The following FCHSD2 variants were observed in gnomAD, a reference collection of about 807,000 sequenced individuals.
FCHSD2 encodes the protein FCH and double SH3 domains 2.
A neutral mutation model predicts 108.1 loss-of-function variants in FCHSD2; 38 were observed. The ratio of observed to expected loss-of-function variants is 0.35; its 90% CI spans 0.27 to 0.46. FCHSD2 has a LOEUF of 0.46. Ranked by LOEUF, FCHSD2 falls within the 20% of genes least tolerant of loss-of-function variation. The pLI is 1.00. For missense variants in FCHSD2, 751 were observed against 897.8 expected (o/e 0.84, Z 2.09); for synonymous variants, 279 against 314.7 (o/e 0.89, Z 1.20).
chr11:72,851,686 T>C lies in FCHSD2; in HGVS notation c.1309-1797A>G, dbSNP rs187308356. 4.6e-3 allele frequency among the ~76,000 whole-genome samples: 699 copies of C among 152,194 alleles called. 19 individuals are homozygous for C. Among genetic ancestry groups the C allele is most frequent in the Admixed American group, 0.037 (558 of 15,280 alleles). ...TGAACCTGGGAGGCAGAGGTTGCAG[T>C]GAGCCGAGATTGTGCCACTGCACTC... On this transcript the variant is annotated intron_variant, in intron 13 of 19. Coordinates refer to ENST00000409418, the MANE Select transcript of FCHSD2 (RefSeq NM_014824.3).
intron 10 of FCHSD2, among the ~76,000 whole-genome samples, chr11:72,899,380 C>T (rs1251333004): frequency 1.3e-5 from 2 of 152,058 alleles, no homozygotes; most frequent in Non-Finnish European, 2.9e-5. Context: ...GGCTAATACA[C>T]TCATGAAGAT....
intron 3 of FCHSD2, among the ~76,000 whole-genome samples, chr11:73,044,721 G>A (rs11235641): frequency 0.15 from 23,256 of 152,174 alleles, 2,395 homozygotes; most frequent in East Asian, 0.38. Context: ...AGAAAACAGT[G>A]CACATAGTAC....
intron 3 of FCHSD2, among the ~76,000 whole-genome samples, chr11:73,037,091 C>A (rs942651033): frequency 3.3e-5 from 5 of 152,166 alleles, no homozygotes; most frequent in African/African-American, 1.2e-4. Flanking sequence ...ATATTCTTCT[C>A]TTGATACTCA....
At chr11:72,883,532 T>C (rs956208877) in intron 12 of FCHSD2, among the ~76,000 whole-genome samples, 1 of 152,152 alleles carries the variant, frequency 6.6e-6, no homozygotes, top group Non-Finnish European at 1.5e-5. Flanking sequence ...TAAAAACTTA[T>C]AAAAAGATGC....
intron 3 of FCHSD2, among the ~76,000 whole-genome samples, chr11:73,034,806 G>A (rs547612539): frequency 2.0e-5 from 3 of 152,168 alleles, no homozygotes; most frequent in African/African-American, 7.2e-5. Context: ...CCAGAACTTC[G>A]AAGCAGCAAA....
At chr11:73,067,479 A>T (rs1267978777) in intron 3 of FCHSD2, among the ~76,000 whole-genome samples, 2 of 142,212 alleles carry the variant, frequency 1.4e-5, no homozygotes, top group East Asian at 3.9e-4. Flanking sequence ...AAAGTATAAT[A>T]AAAAAAAAAG....
chr11:72,841,321 G>T, intron 18 of FCHSD2, 133 bp downstream of exon 18: 1 of 928,350 alleles, frequency 1.1e-6, no homozygotes, highest in South Asian at 1.7e-5. Flanking sequence ...TCCAGCCCAG[G>T]TGACAGAGAC....
intron 2 of FCHSD2, among the ~76,000 whole-genome samples, chr11:73,085,258 T>A (rs1031426446): frequency 1.3e-5 from 2 of 152,142 alleles, no homozygotes; most frequent in African/African-American, 4.8e-5. Context: ...AAGTCTCCAG[T>A]GCATTCAAGG....
chr11:73,057,875 G>T (rs1162254790), intron 3 of FCHSD2, among the ~76,000 whole-genome samples: 1 of 150,830 alleles, frequency 6.6e-6, no homozygotes, highest in Non-Finnish European at 1.5e-5. Flanking sequence ...TGCCAATTCG[G>T]TATTCTTTTT....
chr11:72,885,618 T>C (rs1447652430), intron 12 of FCHSD2, among the ~76,000 whole-genome samples: 2 of 152,046 alleles, frequency 1.3e-5, no homozygotes, highest in Non-Finnish European at 2.9e-5. Context: ...GGAAAATACA[T>C]GAAATACCCC....
chr11:72,994,627 G>C (rs1857487176), intron 5 of FCHSD2, among the ~76,000 whole-genome samples: 1 of 152,000 alleles, frequency 6.6e-6, no homozygotes, highest in Non-Finnish European at 1.5e-5. Flanking sequence ...TTAGCTGGGT[G>C]TGGTGGTGGG....
At chr11:72,916,359 C>T (rs556412342) in intron 9 of FCHSD2, among the ~76,000 whole-genome samples, 13 of 143,256 alleles carry the variant, frequency 9.1e-5, no homozygotes, top group Non-Finnish European at 1.8e-4. Flanking sequence ...ACCCAGGCTA[C>T]AGTACAGTAG....
intron 3 of FCHSD2, among the ~76,000 whole-genome samples, chr11:73,071,021 T>C (rs993237997): frequency 2.0e-5 from 3 of 152,166 alleles, no homozygotes; most frequent in Admixed American, 6.5e-5. Context: ...CCACAAGCAA[T>C]TGGAAACATT....
chr11:73,078,636 T>TAA (rs138510554), intron 3 of FCHSD2, among the ~76,000 whole-genome samples: 28 of 142,672 alleles, frequency 2.0e-4, no homozygotes, highest in East Asian at 4.0e-4. Flanking sequence ...ACTATTCTGA[T>TAA]AAAAAAAAAA....
intron 2 of FCHSD2, among the ~76,000 whole-genome samples, chr11:73,089,430 G>A (rs995911593): frequency 1.3e-5 from 2 of 152,098 alleles, no homozygotes; most frequent in African/African-American, 4.8e-5. Context: ...TCTATTCCTA[G>A]GTGTATATCC....
chr11:72,915,715 G>A (rs1192646379), intron 9 of FCHSD2, among the ~76,000 whole-genome samples: 1 of 152,190 alleles, frequency 6.6e-6, no homozygotes, highest in Non-Finnish European at 1.5e-5. Context: ...CTACTCGGGA[G>A]GCTGAGGCAG....
chr11:73,002,140 C>T (rs1857637993), intron 4 of FCHSD2, among the ~76,000 whole-genome samples: 1 of 152,130 alleles, frequency 6.6e-6, no homozygotes, highest in African/African-American at 2.4e-5. Flanking sequence ...ATACAGAATG[C>T]TCACTGTGGT....
intron 2 of FCHSD2, among the ~76,000 whole-genome samples, chr11:73,139,175 A>AT (rs1307858900): frequency 6.6e-6 from 1 of 152,182 alleles, no homozygotes; most frequent in Non-Finnish European, 1.5e-5. Flanking sequence ...CAAACACATA[A>AT]TTTTATCATT....
chr11:72,948,313 A>G (rs1394668839), intron 8 of FCHSD2, among the ~76,000 whole-genome samples: 1 of 152,120 alleles, frequency 6.6e-6, no homozygotes, highest in African/African-American at 2.4e-5. Context: ...CAGCCACTGG[A>G]TATCATAAAT....
Sources: gnomAD v4.1 joint callset for allele counts (sites outside exome capture counted in the v4.1 genomes callset) on GRCh38, gnomAD v4.1.1 for gene constraint, MANE v1.5 for transcripts, NCBI Gene and HGNC (gene_info 2026-07-23, HGNC 2026-07-21) for gene names.